The following PTPRG variants were observed in gnomAD, a reference collection of about 807,000 sequenced individuals.
PTPRG encodes the protein receptor-type tyrosine-protein phosphatase gamma.
Under a neutral mutation model 165.3 loss-of-function variants are expected in PTPRG, and 102 were observed. The ratio of observed to expected loss-of-function variants is 0.62; its 90% CI spans 0.53 to 0.73. The LOEUF (loss-of-function observed/expected upper bound fraction) is 0.73. Among genes scored for constraint, PTPRG ranks in the 30% least tolerant of loss-of-function variants. PTPRG has a pLI of 0.00. For synonymous variants in PTPRG, 675 were observed against 669.5 expected (o/e 1.01, Z -0.13); for missense variants, 1,866 against 1,861.4 (o/e 1.00, Z -0.05).
At chr3:62,137,133 C>G (rs1703739386) in intron 6 of PTPRG, among the ~76,000 whole-genome samples, 1 of 152,126 alleles carries the variant, frequency 6.6e-6, no homozygotes, top group East Asian at 1.9e-4. Context: ...GGTATCTAAT[C>G]AAGTATTTTA....
chr3:61,915,728 C>T (rs557075764), intron 2 of PTPRG, among the ~76,000 whole-genome samples: 1 of 152,028 alleles, frequency 6.6e-6, no homozygotes, highest in East Asian at 1.9e-4. Context: ...GTTTCAGATG[C>T]TCTATGTAAA....
chr3:62,030,098 T>C (rs559952171), intron 4 of PTPRG, among the ~76,000 whole-genome samples: 10 of 152,342 alleles, frequency 6.6e-5, no homozygotes, highest in Admixed American at 5.2e-4. Context: ...CATGAGGCTT[T>C]TAGTGAAATC....
intron 4 of PTPRG, among the ~76,000 whole-genome samples, chr3:62,054,292 G>A (rs982130727): frequency 1.3e-5 from 2 of 152,142 alleles, no homozygotes; most frequent in Admixed American, 1.3e-4. Context: ...AATATACAAG[G>A]TATTCATTAT....
chr3:62,203,427 C>T lies in PTPRG; in HGVS notation c.1632C>T (p.Ala544=), dbSNP rs143296465. The T allele has an allele frequency of 1.0e-5, 16 of 1,606,810 alleles. No homozygotes were observed. In the African/African-American group the frequency reaches 1.6e-4, roughly 16 times the overall value. ...CGCGCCTCCCGACGGCCGCCTCAGC[C>T]AGCAAGCAGGCGGCTAGGCCAGTCC... The part of the protein sequence containing the change: ...WPTRLPTAAS[A]SKQAARPVLA... Residue 544 remains alanine, a synonymous_variant, in exon 12 of 30, where the codon GCC becomes GCT. Transcript: ENST00000474889. This position sits in a 1 kb window ranked among gnomAD's most constrained non-coding sequence, Gnocchi z 6.4.
In PTPRG at chr3:62,131,497, T is replaced by G. The variant is rs190908338; in HGVS notation, c.616-1105T>G. On this transcript the variant is annotated intron_variant, in intron 5 of 29. Coordinates refer to ENST00000474889, the MANE Select transcript of PTPRG (RefSeq NM_002841.4). ...TAAAATTAATTCTAGGGGTGGCTCT[T>G]GATTCCTCTGAATTGACCTGAAAAC... 1.7e-3 allele frequency among the ~76,000 whole-genome samples: 253 copies of G among 152,290 alleles called. 1 individual carries two copies. Among genetic ancestry groups the G allele is most frequent in the Non-Finnish European group, 2.5e-3 (167 of 68,028 alleles).
At chr3:62,032,098 C>G (rs906969072) in intron 4 of PTPRG, among the ~76,000 whole-genome samples, 1 of 152,112 alleles carries the variant, frequency 6.6e-6, no homozygotes, top group Non-Finnish European at 1.5e-5. Flanking sequence ...GTACTGGTTC[C>G]CCTGAGCTGT....
intron 1 of PTPRG, among the ~76,000 whole-genome samples, chr3:61,678,768 G>A (rs945680738): frequency 4.6e-5 from 7 of 152,048 alleles, no homozygotes; most frequent in South Asian, 2.1e-4. Flanking sequence ...CCCCAAACAC[G>A]TGTACTCTTT....
At chr3:61,567,063 A>G (rs1007551403) in intron 1 of PTPRG, among the ~76,000 whole-genome samples, 9 of 152,220 alleles carry the variant, frequency 5.9e-5, no homozygotes, top group Non-Finnish European at 8.8e-5. Context: ...GTGCCCAGAA[A>G]TTAGCCCTTG....
intron 4 of PTPRG, among the ~76,000 whole-genome samples, chr3:62,056,811 C>G (rs1327334929): frequency 6.6e-6 from 1 of 152,110 alleles, no homozygotes; most frequent in Admixed American, 6.5e-5. Flanking sequence ...CTGTGCTTTG[C>G]CTAGACTTTG....
At chr3:62,286,392 G>C (rs1230618089) in intron 28 of PTPRG, among the ~76,000 whole-genome samples, 1 of 152,012 alleles carries the variant, frequency 6.6e-6, no homozygotes, top group African/African-American at 2.4e-5. Flanking sequence ...CACAGTGTCA[G>C]GGTTATAACT....
intron 1 of PTPRG, among the ~76,000 whole-genome samples, chr3:61,579,693 C>T (rs992886262): frequency 3.3e-5 from 5 of 152,318 alleles, no homozygotes; most frequent in East Asian, 1.9e-4. Context: ...ACCATCTACG[C>T]GCAGCTTGTG....
chr3:62,184,996 T>C (rs952011201), intron 8 of PTPRG, among the ~76,000 whole-genome samples: 3 of 149,572 alleles, frequency 2.0e-5, no homozygotes, highest in Non-Finnish European at 3.0e-5. Flanking sequence ...CATTAGTTTA[T>C]CTAAAGCCCC....
At chr3:61,936,151 C>T (rs1376407837) in intron 2 of PTPRG, among the ~76,000 whole-genome samples, 1 of 152,184 alleles carries the variant, frequency 6.6e-6, no homozygotes, top group Non-Finnish European at 1.5e-5. Context: ...AGACATCAGT[C>T]CTGTTGGTGC....
chr3:61,714,752 G>A (rs2031729347), intron 1 of PTPRG, among the ~76,000 whole-genome samples: 1 of 152,144 alleles, frequency 6.6e-6, no homozygotes, highest in South Asian at 2.1e-4. Context: ...CGCCACGTGA[G>A]CCTTGATACT....
At chr3:62,128,782 GT>G (rs1348141919) in intron 5 of PTPRG, among the ~76,000 whole-genome samples, 1 of 150,088 alleles carries the variant, frequency 6.7e-6, no homozygotes, top group Non-Finnish European at 1.5e-5. Context: ...CCTCTTCACT[GT>G]TGTCATATTT....
chr3:62,293,282 C>G lies in PTPRG; in HGVS notation c.4313C>G (p.Ala1438Gly), dbSNP rs755297530. The G allele has an allele frequency of 1.9e-6, 3 of 1,602,922 alleles. No individual in the cohort carries two copies. The highest frequency in any genetic ancestry group is 2.6e-6 in the Non-Finnish European group (3 of 1,176,290). ...AVLIADESDP[A>G]ESMESLV ...CTTATTGCAGATGAATCAGACCCTG[C>G]TGAGAGCATGGAGTCCCTAGTGTGA... The change falls in exon 30 of 30, where the codon GCT becomes GGT. Residue 1438 changes from alanine to glycine, a missense_variant. Physicochemically the swap from Ala to Gly is moderately conservative, Grantham distance 60. Around this residue, in one of 3 missense-constraint regions of PTPRG, gnomAD observed 1,452 missense variants for 1,463.0 expected, o/e 0.99. Transcript: ENST00000474889.
chr3:62,064,949 GCCTTGATTTCCTGA>G (rs1401012398), intron 4 of PTPRG, among the ~76,000 whole-genome samples: 1 of 151,926 alleles, frequency 6.6e-6, no homozygotes, highest in Non-Finnish European at 1.5e-5. Flanking sequence ...AGCCAGGATG[GCCTTGATTTCCTGA>G]CCTCCTGATC....
intron 2 of PTPRG, among the ~76,000 whole-genome samples, chr3:61,896,308 A>G (rs2038352828): frequency 6.6e-6 from 1 of 152,190 alleles, no homozygotes; most frequent in African/African-American, 2.4e-5. Context: ...GGAATCATAC[A>G]ATATTTAATC....
rs571318466 is a variant in PTPRG at position 61,583,459 on chromosome 3, C to T, written c.85+21087C>T. ...ATAGAGCTGATGGAAGAATTGGATG[C>T]GGATGTAAGTAAAGCACTGGTCCCT... On this transcript the variant is annotated intron_variant, in intron 1 of 29. Transcript: ENST00000474889. 9.1e-4 allele frequency among the ~76,000 whole-genome samples: 139 copies of T among 152,232 alleles called. 1 individual carries two copies. The highest frequency in any genetic ancestry group is 2.8e-3 in the African/African-American group (116 of 41,544).
Sources: gnomAD v4.1 joint callset for allele counts (sites outside exome capture counted in the v4.1 genomes callset) on GRCh38, gnomAD v4.1.1 for gene constraint, gnomAD v4.1.1 regional missense constraint, Gnocchi (gnomAD v3.1) non-coding constraint, MANE v1.5 for transcripts, NCBI Gene and HGNC (gene_info 2026-07-23, HGNC 2026-07-21) for gene names.